The following PLCH2 variants were observed in gnomAD, a reference collection of about 807,000 sequenced individuals.
PLCH2 encodes the protein 1-phosphatidylinositol 4,5-bisphosphate phosphodiesterase eta-2.
PLCH2 carries 98 observed loss-of-function variants against 134.7 expected under a neutral mutation model. That is an observed-to-expected ratio of 0.73 (90% CI 0.62 to 0.86). The LOEUF (loss-of-function observed/expected upper bound fraction) is 0.86. Among genes scored for constraint, PLCH2 ranks in the 40% least tolerant of loss-of-function variants. PLCH2 has a pLI of 0.00. For missense variants in PLCH2, 1,994 were observed against 1,986.6 expected, an observed-to-expected ratio of 1.00 and a Z score of -0.07; for synonymous variants, 974 against 827.5, an observed-to-expected ratio of 1.18 and a Z score of -3.04.
chr1:2,478,708 C>T (rs2100648661), intron 2 of PLCH2, 86 bp downstream of exon 2: 3 of 1,360,660 alleles, frequency 2.2e-6, no homozygotes, highest in South Asian at 2.6e-5. Context: ...CCACTGATGG[C>T]TGAGGAGCAG....
intron 2 of PLCH2, among the ~76,000 whole-genome samples, chr1:2,462,438 T>C (rs929209478): frequency 5.9e-5 from 8 of 136,564 alleles, no homozygotes; most frequent in South Asian, 2.6e-4. Flanking sequence ...GACACCCCTC[T>C]GCCTGACACC....
At chr1:2,483,769 G>GT (rs1167799697) in intron 4 of PLCH2, among the ~76,000 whole-genome samples, 1 of 126,008 alleles carries the variant, frequency 7.9e-6, no homozygotes, top group Non-Finnish European at 1.8e-5. Context: ...CCGTTTGGGG[G>GT]GGCGCTGACC....
upstream of PLCH2, among the ~76,000 whole-genome samples, chr1:2,472,545 G>A (rs546158072): frequency 2.0e-5 from 3 of 152,306 alleles, no homozygotes; most frequent in South Asian, 2.1e-4. Context: ...CCTGGGATGC[G>A]GCTGCCTCAG....
At chr1:2,472,578 G>C (rs921516570), upstream of PLCH2, among the ~76,000 whole-genome samples, 1 of 152,232 alleles carries the variant, frequency 6.6e-6, no homozygotes, top group Admixed American at 6.5e-5. Context: ...GCCCTGGAGG[G>C]TGGGTAGGCT....
Position 2,439,864 on chromosome 1 carries a change from C to G in PLCH2, c.115+9235C>G, listed in dbSNP as rs975333592. Among the ~76,000 whole-genome samples the G allele has an allele frequency of 2.0e-5, 3 of 152,100 alleles. No homozygotes were observed. The highest frequency in any genetic ancestry group is 4.4e-5 in the Non-Finnish European group (3 of 68,006). Reference sequence around the variant, plus strand: ...GTGTTCGAGGGCAGCGGGCACGCGGCTCCCTGCCTGCAGGGACCTCATGAT... The same window carrying G: ...GTGTTCGAGGGCAGCGGGCACGCGGGTCCCTGCCTGCAGGGACCTCATGAT... On this transcript the variant is annotated intron_variant, in intron 2 of 3. Coordinates refer to the PLCH2 transcript ENST00000609981. The surrounding 1 kb of genome is among the most constrained non-coding windows in gnomAD (Gnocchi z 4.7).
intron 2 of PLCH2, among the ~76,000 whole-genome samples, chr1:2,455,337 G>T (rs891625937): frequency 7.9e-5 from 12 of 152,186 alleles, no homozygotes; most frequent in Non-Finnish European, 8.8e-5. Context: ...GCACCAAGGT[G>T]TCGGGGCAGG....
In PLCH2 at chr1:2,505,424, G is replaced by GCCCT; in HGVS notation, c.*212_*215dup. The GCCCT allele has an allele frequency of 1.8e-6, 1 of 565,620 alleles. No individual in the cohort carries two copies. Among genetic ancestry groups the GCCCT allele is most frequent in the Non-Finnish European group, 3.1e-6 (1 of 322,430 alleles). The allele number at this position is 565,620 out of a possible 1,614,324, so 35.0% of individuals were successfully genotyped here. On this transcript the variant is annotated 3_prime_UTR_variant, in exon 22 of 22. Coordinates refer to ENST00000378486, the MANE Select transcript of PLCH2 (RefSeq NM_014638.4). ...GCCCACAGGAGGGGCTTCGAGGCTG[G>GCCCT]CCCTGCCAGGCAGTTTTCCCGGCGT...
chr1:2,497,443 C>CTTGGGTGGGGGGGGGGGGGGGG, intron 15 of PLCH2, 59 bp from the exon 16 acceptor site: 2 of 1,001,288 alleles, frequency 2.0e-6, no homozygotes, highest in Non-Finnish European at 1.4e-6. Flanking sequence ...GGTGGGTGGG[C>CTTGGGTGGGGGGGGGGGGGGGG]GGGGCACACA....
intron 13 of PLCH2, 144 bp downstream of exon 13, chr1:2,495,714 G>T: frequency 1.6e-6 from 1 of 616,606 alleles, no homozygotes; most frequent in Non-Finnish European, 2.8e-6. Context: ...CAGTGAAGTG[G>T]TAGGGAGTGT....
intron 1 of PLCH2, among the ~76,000 whole-genome samples, chr1:2,426,874 G>T (rs1289036685): frequency 6.6e-6 from 1 of 152,258 alleles, no homozygotes; most frequent in East Asian, 1.9e-4. Flanking sequence ...AGCTTGCTGG[G>T]GCCTGTGGCT....
rs750639867 is a variant in PLCH2 at position 2,504,776 on chromosome 1, G to A, written c.3814G>A (p.Gly1272Ser). 21 of 1,612,274 alleles carry A rather than the reference G, an allele frequency of 1.3e-5. No individual in the cohort carries two copies. Among genetic ancestry groups the A allele is most frequent in the South Asian group, 4.4e-5 (4 of 91,062 alleles). ...TGACTTTGCCCCTAGCTTTGAGGGC[G>A]GCTCCCGCAGACTGAGCCACAGCCT... ...ADDFAPSFEGGSRRLSHSLGL... is the reference protein window; with the variant it reads ...ADDFAPSFEGSSRRLSHSLGL... The change falls in exon 22 of 22, where the codon GGC becomes AGC. Residue 1272 changes from glycine to serine, a missense_variant. Physicochemically the swap from Gly to Ser is moderately conservative, Grantham distance 56 (BLOSUM62 0). Around this residue, in one of 2 missense-constraint regions of PLCH2, gnomAD observed 900 missense variants for 752.3 expected, o/e 1.20. Coordinates refer to ENST00000378486, the MANE Select transcript of PLCH2 (RefSeq NM_014638.4).
intron 2 of PLCH2, among the ~76,000 whole-genome samples, chr1:2,435,635 A>G (rs1483310314): frequency 6.6e-6 from 1 of 152,026 alleles, no homozygotes; most frequent in African/African-American, 2.4e-5. Flanking sequence ...GCAGCGTGAC[A>G]CGGCTCTCAG....
Position 2,479,871 on chromosome 1 carries a change from T to A in PLCH2, c.409T>A (p.Ser137Thr), listed in dbSNP as rs1641860642. The A allele has an allele frequency of 6.2e-7, 1 of 1,611,590 alleles. No individual in the cohort carries two copies. Among genetic ancestry groups the A allele is most frequent in the South Asian group, 1.1e-5 (1 of 91,054 alleles). ...CCACCGCGAGTCGCTGGACCTGGTC[T>A]CCACCAGCAGCGAGGTGGCGCGCAC... ...GSHRESLDLV[S>T]TSSEVARTWV... is the part of the protein sequence containing the mutation. The change falls in exon 3 of 22, where the codon TCC (serine) becomes ACC (threonine). Residue 137 changes from serine to threonine, a missense_variant. Physicochemically the swap from Ser to Thr is moderately conservative, Grantham distance 58 (BLOSUM62 1). Transcript: ENST00000378486.
intron 12 of PLCH2, 102 bp from the exon 13 acceptor site, chr1:2,495,386 G>T (rs945366776): frequency 2.1e-6 from 2 of 964,448 alleles, no homozygotes; most frequent in South Asian, 1.5e-5. Context: ...TGCGTGGGCC[G>T]CTGGGGACCC....
chr1:2,454,059 C>T (rs1291329243), intron 2 of PLCH2, among the ~76,000 whole-genome samples: 3 of 152,182 alleles, frequency 2.0e-5, no homozygotes, highest in African/African-American at 7.2e-5. Flanking sequence ...ACCCCCACCC[C>T]GAGTCTGTCA....
chr1:2,444,186 T>C lies in PLCH2; in HGVS notation c.115+13557T>C, dbSNP rs1299193388. Among the ~76,000 whole-genome samples the C allele has an allele frequency of 6.6e-6, 1 of 151,794 alleles. No individual in the cohort carries two copies. The highest frequency in any genetic ancestry group is 6.5e-5 in the Admixed American group (1 of 15,274). ...CTTGAGCTCTCCGGATGGCCTCAGG[T>C]GCGGGGTGAGGGATCTGGGGGCCGC... On this transcript the variant is annotated intron_variant, in intron 2 of 3. Transcript: ENST00000609981. This position sits in a 1 kb window ranked among gnomAD's most constrained non-coding sequence, Gnocchi z 4.6.
chr1:2,499,790 C>T (rs1403586492), intron 20 of PLCH2, 70 bp downstream of exon 20: 1 of 1,211,906 alleles, frequency 8.3e-7, no homozygotes, highest in Non-Finnish European at 1.2e-6. Context: ...CATGCCCCCC[C>T]ATGTGTCCCC....
chr1:2,429,776 C>A (rs1353382804), intron 1 of PLCH2, among the ~76,000 whole-genome samples: 1 of 152,176 alleles, frequency 6.6e-6, no homozygotes, highest in Non-Finnish European at 1.5e-5. Context: ...GAAAGGGCTG[C>A]CCGCCATGCC....
intron 4 of PLCH2, among the ~76,000 whole-genome samples, chr1:2,481,169 CCTGCCAGCTG>C (rs1462258428): frequency 6.6e-6 from 1 of 152,256 alleles, no homozygotes; most frequent in Admixed American, 6.5e-5. Flanking sequence ...CCTGCCAGCT[CCTGCCAGCTG>C]CTGCCTGTTC....
Sources: gnomAD v4.1 joint callset for allele counts (sites outside exome capture counted in the v4.1 genomes callset) on GRCh38, gnomAD v4.1.1 for gene constraint, gnomAD v4.1.1 regional missense constraint, Gnocchi (gnomAD v3.1) non-coding constraint, MANE v1.5 for transcripts, NCBI Gene and HGNC (gene_info 2026-07-23, HGNC 2026-07-21) for gene names.